The following TCERG1L variants were observed in gnomAD, a reference collection of about 807,000 sequenced individuals.
TCERG1L encodes transcription elongation regulator 1 like.
In TCERG1L, 37 loss-of-function variants were observed where a neutral mutation model predicts 56.3. The observed-to-expected ratio is 0.66, with a 90% CI of 0.51 to 0.87. The LOEUF is 0.87. TCERG1L is among the 40% of genes least tolerant of loss of function. TCERG1L has a pLI of 0.00. For missense variants in TCERG1L, 799 were observed against 774.2 expected (o/e 1.03, Z -0.38); for synonymous variants, 324 against 326.3 (o/e 0.99, Z 0.08).
At position 131,267,935 on chromosome 10, in the gene TCERG1L, C is replaced by G. The variant is rs1216012907; in HGVS notation, c.671-7491G>C. On this transcript the variant is annotated intron_variant, in intron 3 of 11. Transcript: ENST00000368642. The surrounding 1 kb of genome is among the most constrained non-coding windows in gnomAD (Gnocchi z 4.9). ...GTGCTCAGGGGTGGTCCAGGGCTCC[C>G]CTTTGCCCAGCTCACAACCCTGCCA... is the stretch of plus-strand genomic sequence containing the variant. 6.6e-6 allele frequency among the ~76,000 whole-genome samples: 1 copy of G among 152,190 alleles called. No homozygotes were observed. Among genetic ancestry groups the G allele is most frequent in the Non-Finnish European group, 1.5e-5 (1 of 68,034 alleles).
chr10:131,196,833 T>C (rs184984663), intron 4 of TCERG1L, among the ~76,000 whole-genome samples: 310 of 152,346 alleles, frequency 2.0e-3, no homozygotes, highest in Middle Eastern at 0.017. Context: ...ATTCACTTCT[T>C]AGTACAAATT....
intron 3 of TCERG1L, among the ~76,000 whole-genome samples, chr10:131,282,273 T>A (rs1846467805): frequency 1.4e-5 from 2 of 147,792 alleles, no homozygotes; most frequent in African/African-American, 5.0e-5. Context: ...CGTCTCAGAA[T>A]TATATTGAAG....
rs570657620 is a variant in TCERG1L, at chr10:131,212,062, C to T, written c.857-45177G>A. Among the ~76,000 whole-genome samples the T allele has an allele frequency of 1.4e-4, 21 of 152,236 alleles. No homozygotes were observed. In the South Asian group the frequency reaches 3.9e-3, roughly 29 times the overall value. On this transcript the variant is annotated intron_variant, in intron 4 of 11. Transcript: ENST00000368642. ...TTTGTGACTCAACTGTGCTATGGGG[C>T]CACATTATCCTCATCTCCCACATGT... is the stretch of plus-strand genomic sequence containing the variant.
intron 4 of TCERG1L, among the ~76,000 whole-genome samples, chr10:131,169,196 C>A (rs993492321): frequency 6.6e-6 from 1 of 152,110 alleles, no homozygotes; most frequent in East Asian, 1.9e-4. Context: ...CTGTCCCCAC[C>A]CCATCTCTGC....
At chr10:131,101,859 C>A (rs1315772293) in intron 10 of TCERG1L, among the ~76,000 whole-genome samples, 1 of 152,156 alleles carries the variant, frequency 6.6e-6, no homozygotes. Context: ...CACCATTACA[C>A]TTGGCTAATT....
intron 4 of TCERG1L, among the ~76,000 whole-genome samples, chr10:131,201,174 G>A (rs1245282337): frequency 6.6e-6 from 1 of 152,174 alleles, no homozygotes; most frequent in Non-Finnish European, 1.5e-5. Flanking sequence ...TGAGAGTCAG[G>A]CCCACCACCC....
At chr10:131,100,471 C>T (rs1845294122) in intron 10 of TCERG1L, among the ~76,000 whole-genome samples, 2 of 152,218 alleles carry the variant, frequency 1.3e-5, no homozygotes, top group Admixed American at 1.3e-4. Context: ...TATAATTTAA[C>T]ATCGCAGGTT....
Position 131,159,406 on chromosome 10 carries a change from G to A in TCERG1L, c.1034+3716C>T, listed in dbSNP as rs1845954814. Among the ~76,000 whole-genome samples the A allele has an allele frequency of 2.6e-5, 4 of 152,194 alleles. No individual in the cohort carries two copies. The South Asian group carries it at 8.3e-4, about 32-fold the overall frequency. ...GTCCTGGGGGCTCTGCCAAGCTCCT[G>A]CTGAGACCCCCTGTGGTCTTCTTAG... On this transcript the variant is annotated intron_variant, in intron 6 of 11. Coordinates refer to ENST00000368642, the MANE Select transcript of TCERG1L (RefSeq NM_174937.4).
At chr10:131,168,782 C>T (rs985317841) in intron 4 of TCERG1L, among the ~76,000 whole-genome samples, 12 of 152,166 alleles carry the variant, frequency 7.9e-5, no homozygotes, top group South Asian at 4.1e-4. Context: ...CGGCCTCCTC[C>T]GTCATTGCCA....
chr10:131,240,706 T>C (rs1254590365), intron 4 of TCERG1L, among the ~76,000 whole-genome samples: 1 of 152,198 alleles, frequency 6.6e-6, no homozygotes, highest in Non-Finnish European at 1.5e-5. Context: ...GGAAGGTGAC[T>C]GAGTCGGCGT....
intron 3 of TCERG1L, among the ~76,000 whole-genome samples, chr10:131,277,735 G>A (rs1846407763): frequency 6.6e-6 from 1 of 152,166 alleles, no homozygotes; most frequent in African/African-American, 2.4e-5. Context: ...TCTGAGGTCA[G>A]GTCTCAGCGC....
chr10:131,227,538 C>T (rs1027204680), intron 4 of TCERG1L, among the ~76,000 whole-genome samples: 2 of 152,212 alleles, frequency 1.3e-5, no homozygotes, highest in South Asian at 4.1e-4. Context: ...AAACACCTGC[C>T]AGGAATGTCC....
chr10:131,163,168 TG>T lies in TCERG1L; in HGVS notation c.987del (p.Arg330GlufsTer44). The part of the protein sequence containing the change: ...PMLGGGEDST[A>X]RGNRPVASTP... ...GTGGAGGCCACTGGCCTGTTGCCTCTGGCTGTGCTGTCCTCTCCTCCCCCCA... is the reference window on the plus strand; with the variant it reads ...GTGGAGGCCACTGGCCTGTTGCCTCTGCTGTGCTGTCCTCTCCTCCCCCCA... On this transcript the variant is annotated frameshift_variant, in exon 6 of 12. Transcript: ENST00000368642. LOFTEE classifies it high-confidence loss of function. The T allele has an allele frequency of 6.3e-7, 1 of 1,574,944 alleles. No individual in the cohort carries two copies. The highest frequency in any genetic ancestry group is 1.8e-5 in the Admixed American group (1 of 54,446).
At position 131,244,853 on chromosome 10, in the gene TCERG1L, C is replaced by A. The variant is rs1362192217; in HGVS notation, c.856+15406G>T. 2.0e-5 allele frequency among the ~76,000 whole-genome samples: 3 copies of A among 152,196 alleles called. No individual in the cohort carries two copies. In the East Asian group the frequency reaches 5.8e-4, roughly 29 times the overall value. ...AGACATCAGCAGCTGCCTAGAGTCT[C>A]CATGCCACCACCCCCTAGATGGGCA... On this transcript the variant is annotated intron_variant, in intron 4 of 11. Transcript: ENST00000368642.
intron 4 of TCERG1L, among the ~76,000 whole-genome samples, chr10:131,174,817 G>A (rs2133444164): frequency 6.6e-6 from 1 of 152,230 alleles, no homozygotes; most frequent in African/African-American, 2.4e-5. Flanking sequence ...AGTACCGAGA[G>A]GCAACTCCAC....
intron 7 of TCERG1L, among the ~76,000 whole-genome samples, chr10:131,143,984 G>A (rs11017749): frequency 0.051 from 7,723 of 152,180 alleles, 291 homozygotes; most frequent in South Asian, 0.22. Context: ...CACTTCTGGA[G>A]GCGCTGCCTC....
chr10:131,166,717 A>C, intron 5 of TCERG1L, 80 bp downstream of exon 5: 1 of 1,381,102 alleles, frequency 7.2e-7, no homozygotes, highest in Non-Finnish European at 1.0e-6. Context: ...TACAGCAAAC[A>C]AGCGTGAGGG....
intron 3 of TCERG1L, among the ~76,000 whole-genome samples, chr10:131,291,401 C>T (rs796798498): frequency 0.052 from 1,871 of 36,260 alleles, 22 homozygotes; most frequent in East Asian, 0.15. Flanking sequence ...AACAGCATTT[C>T]TTTTTTTTTT....
chr10:131,192,129 T>C (rs1322070403), intron 4 of TCERG1L, among the ~76,000 whole-genome samples: 2 of 142,724 alleles, frequency 1.4e-5, no homozygotes, highest in Non-Finnish European at 3.1e-5. Context: ...AAACTATGTA[T>C]CCAACAAAGG....
Sources: gnomAD v4.1 joint callset for allele counts (sites outside exome capture counted in the v4.1 genomes callset) on GRCh38, gnomAD v4.1.1 for gene constraint, Gnocchi (gnomAD v3.1) non-coding constraint, MANE v1.5 for transcripts, NCBI Gene and HGNC (gene_info 2026-07-23, HGNC 2026-07-21) for gene names.